The following ZSCAN29 variants were observed in gnomAD, a reference collection of about 807,000 sequenced individuals.
The protein encoded by ZSCAN29 is zinc finger and SCAN domain containing 29.
ZSCAN29 carries 55 observed loss-of-function variants against 71.9 expected under a neutral mutation model. The ratio of observed to expected loss-of-function variants is 0.76; its 90% CI spans 0.62 to 0.96. ZSCAN29 has a LOEUF of 0.96. Ranked by LOEUF, ZSCAN29 falls within the 40% of genes least tolerant of loss-of-function variation. The probability of loss-of-function intolerance (pLI) is 0.00; values close to 1 mark genes in which losing one functional copy is unlikely to be tolerated. For synonymous variants in ZSCAN29, 351 were observed against 371.6 expected, an observed-to-expected ratio of 0.94 and a Z score of 0.64; for missense variants, 1,042 against 1,042.2, an observed-to-expected ratio of 1.00 and a Z score of 0.00.
In ZSCAN29 at chr15:43,360,809, A is replaced by G. The variant is rs904183250; in HGVS notation, c.*264T>C. 9.4e-6 allele frequency: 4 copies of G among 423,334 alleles called. No homozygotes were observed. Among genetic ancestry groups the G allele is most frequent in the Non-Finnish European group, 1.7e-5 (4 of 235,610 alleles). 26.2% of individuals were successfully genotyped at this position (423,334 alleles called of 1,614,324 possible). A position where few individuals can be genotyped will look rare whatever the true frequency, so the allele number is the denominator to read the frequency against. On this transcript the variant is annotated 3_prime_UTR_variant, in exon 6 of 6. Coordinates refer to ENST00000684362, the MANE Select transcript of ZSCAN29 (RefSeq NM_001372080.1). ...TGTCCTCTGTGCTTATATTAAGGGAACACCATAGGCACTGAGAGGGAAAAG... is the reference window on the plus strand; with the variant it reads ...TGTCCTCTGTGCTTATATTAAGGGAGCACCATAGGCACTGAGAGGGAAAAG...
intron 4 of ZSCAN29, 81 bp from the exon 5 acceptor site, chr15:43,364,463 T>C (rs778257933): frequency 5.8e-5 from 75 of 1,286,226 alleles, no homozygotes; most frequent in Non-Finnish European, 7.7e-5. Context: ...ATCTGCATCA[T>C]GAGAATTCAC....
chr15:43,368,999 C>G lies in ZSCAN29; in HGVS notation c.447G>C (p.Glu149Asp), dbSNP rs558053205. The change falls in exon 3 of 6, where the codon GAG becomes GAC. Residue 149 changes from glutamate (E) to aspartate (D), a missense_variant. Transcript: ENST00000684362. ...GTCCCAGGTCTGGGCTTCTTGCCCTCTCTTTCTTGGGTACACCCCTGGGCT... is the reference window on the plus strand; with the variant it reads ...GTCCCAGGTCTGGGCTTCTTGCCCTGTCTTTCTTGGGTACACCCCTGGGCT... ...EPQPRGVPKK[E>D]RARSPDLGPQ... 3.1e-6 allele frequency: 5 copies of G among 1,613,204 alleles called. No individual in the cohort carries two copies. Among genetic ancestry groups the G allele is most frequent in the African/African-American group, 2.7e-5 (2 of 75,026 alleles).
At chr15:43,367,900 G>T (rs1362828253) in intron 3 of ZSCAN29, among the ~76,000 whole-genome samples, 2 of 152,130 alleles carry the variant, frequency 1.3e-5, no homozygotes, top group African/African-American at 4.8e-5. Flanking sequence ...AATTTTAAGT[G>T]AAATGGTAAC....
intron 5 of ZSCAN29, 26 bp downstream of exon 5, chr15:43,363,889 A>G: frequency 1.3e-6 from 2 of 1,541,652 alleles, no homozygotes; most frequent in South Asian, 1.2e-5. Flanking sequence ...TTTGTTATTT[A>G]TACCATAATA....
At position 43,364,282 on chromosome 15, in the gene ZSCAN29, C is replaced by T. The variant is rs1055723180; in HGVS notation, c.1323G>A (p.Leu441=). The T allele has an allele frequency of 1.2e-6, 2 of 1,614,216 alleles. No homozygotes were observed. Among genetic ancestry groups the T allele is most frequent in the Non-Finnish European group, 1.7e-6 (2 of 1,180,050 alleles). The part of the protein sequence containing the change: ...ALRNCHRNSQ[L]YGAVAERLWE... The stretch of plus-strand genomic sequence containing the variant: ...ATAACCTCTCAGCCACTGCTCCATA[C>T]AGCTGGCTGTTGCGGTGACAGTTCC... The change falls in exon 5 of 6, where the codon CTG becomes CTA. Residue 441 remains leucine, a synonymous_variant. Coordinates refer to ENST00000684362, the MANE Select transcript of ZSCAN29 (RefSeq NM_001372080.1).
rs199524651 is a variant in ZSCAN29, at chr15:43,361,239, C to T, written c.2393G>A (p.Ser798Asn). The T allele has an allele frequency of 3.7e-6, 6 of 1,614,068 alleles. No homozygotes were observed. Among genetic ancestry groups the T allele is most frequent in the Non-Finnish European group, 5.1e-6 (6 of 1,180,034 alleles). The change falls in exon 6 of 6, where the codon AGT (serine) becomes AAT (asparagine). Residue 798 changes from serine (S) to asparagine (N), a missense_variant. Coordinates refer to ENST00000684362, the MANE Select transcript of ZSCAN29 (RefSeq NM_001372080.1). ...ACGTAAGTCAGAACTCTTACTGAAA[C>T]TCTTTCCACAGTCAGGACACACATG... ...RPHVCPDCGK[S>N]FSKSSDLRAH...
At chr15:43,362,747 G>A (rs528164462) in intron 5 of ZSCAN29, among the ~76,000 whole-genome samples, 1 of 152,210 alleles carries the variant, frequency 6.6e-6, no homozygotes, top group Admixed American at 6.5e-5. Context: ...AATATGTATT[G>A]TGAGCCTCCA....
intron 2 of ZSCAN29, 129 bp downstream of exon 2, chr15:43,369,467 A>G: frequency 9.6e-7 from 1 of 1,038,636 alleles, no homozygotes; most frequent in Non-Finnish European, 1.4e-6. Flanking sequence ...TGAAAAAGTT[A>G]CCTATACCAG....
At position 43,364,330 on chromosome 15, in the gene ZSCAN29, C is replaced by G. The variant is rs1350619323; in HGVS notation, c.1275G>C (p.Glu425Asp). ...TCCGGAGGGCTTCATAAAACTGGGTCTCACTAAGAATTGCAAGGTAAGTCT... is the reference window on the plus strand; with the variant it reads ...TCCGGAGGGCTTCATAAAACTGGGTGTCACTAAGAATTGCAAGGTAAGTCT... ...ETKTYLAILS[E>D]TQFYEALRNC... The change falls in exon 5 of 6, where the codon GAG (glutamate) becomes GAC (aspartate). Residue 425 changes from glutamate (E) to aspartate (D), a missense_variant. By Grantham distance (45) the Glu-to-Asp change is conservative. Coordinates refer to ENST00000684362, the MANE Select transcript of ZSCAN29 (RefSeq NM_001372080.1). 1.2e-6 allele frequency: 2 copies of G among 1,614,034 alleles called. No individual in the cohort carries two copies. The highest frequency in any genetic ancestry group is 1.1e-5 in the South Asian group (1 of 91,076).
chr15:43,369,986 T>G lies in ZSCAN29; in HGVS notation c.-73A>C, dbSNP rs572309860. 6 of 1,437,650 alleles carry G rather than the reference T, an allele frequency of 4.2e-6. No homozygotes were observed. The East Asian group carries it at 6.8e-5, about 16-fold the overall frequency. The allele number at this position is 1,437,650 out of a possible 1,614,324, so 89.1% of individuals were successfully genotyped here. A position where few individuals can be genotyped will look rare whatever the true frequency, so the allele number is the denominator to read the frequency against. On this transcript the variant is annotated 5_prime_UTR_variant, in exon 2 of 6. Coordinates refer to ENST00000684362, the MANE Select transcript of ZSCAN29 (RefSeq NM_001372080.1). Reference sequence around the variant, plus strand: ...GCTTACATCTATCTTCCCATGTCCTTGGAGAATCCCCTGCAGATGACTGTA... The same window carrying G: ...GCTTACATCTATCTTCCCATGTCCTGGGAGAATCCCCTGCAGATGACTGTA...
chr15:43,369,139 C>T lies in ZSCAN29; in HGVS notation c.319-12G>A, dbSNP rs903418484. On this transcript the variant is annotated splice_polypyrimidine_tract_variant and intron_variant, in intron 2 of 5. Coordinates refer to ENST00000684362, the MANE Select transcript of ZSCAN29 (RefSeq NM_001372080.1). ...ACAGAGACTGTGACCTAGAAACAAC[C>T]CCCGTTAATTGTCACTGCAAGATCA... is the stretch of plus-strand genomic sequence containing the variant. 1.3e-6 allele frequency: 2 copies of T among 1,539,544 alleles called. No homozygotes were observed. The highest frequency in any genetic ancestry group is 4.6e-5 in the East Asian group (2 of 43,710).
In ZSCAN29 at chr15:43,361,488, A is replaced by T; in HGVS notation, c.2144T>A (p.Phe715Tyr). 1 of 1,613,604 alleles carries T rather than the reference A, an allele frequency of 6.2e-7. No homozygotes were observed. Among genetic ancestry groups the T allele is most frequent in the Non-Finnish European group, 8.5e-7 (1 of 1,179,484 alleles). The part of the protein sequence containing the change: ...PYKCLDCGKS[F>Y]RDSSNFITHR... ...GGTGATGAAATTTGAACTGTCACGGAAACTTTTTCCACAGTCAAGACATTT... is the reference window on the plus strand; with the variant it reads ...GGTGATGAAATTTGAACTGTCACGGTAACTTTTTCCACAGTCAAGACATTT... The change falls in exon 6 of 6, where the codon TTC (phenylalanine) becomes TAC (tyrosine). Residue 715 changes from phenylalanine to tyrosine, a missense_variant. By Grantham distance (22) the Phe-to-Tyr change is conservative. Transcript: ENST00000684362.
rs200716301 is a variant in ZSCAN29 at position 43,361,863 on chromosome 15, A to G, written c.1769T>C (p.Leu590Pro). 1 of 1,614,188 alleles carries G rather than the reference A, an allele frequency of 6.2e-7. No individual in the cohort carries two copies. Among genetic ancestry groups the G allele is most frequent in the African/African-American group, 1.3e-5 (1 of 75,046 alleles). Reference protein sequence around the residue: ...SEEVQLHRTLLARSERKIPRY... With the variant: ...SEEVQLHRTLPARSERKIPRY... Reference sequence around the variant, plus strand: ...GGGAATTTTCCTTTCAGATCTTGCAAGTAATGTCCTATGCAGTTGTACTTC... The same window carrying G: ...GGGAATTTTCCTTTCAGATCTTGCAGGTAATGTCCTATGCAGTTGTACTTC... Residue 590 changes from leucine to proline, a missense_variant, in exon 6 of 6, where the codon CTT becomes CCT. Leu to Pro is a moderately conservative substitution (Grantham distance 98). Transcript: ENST00000684362.
rs778381285 is a variant in ZSCAN29 at position 43,361,057 on chromosome 15, A to T, written c.*16T>A. Reference sequence around the variant, plus strand: ...TACATTTATTGAGCCTCTTTCCGTTATATATCCTCAGGGGCTTACTTGGGA... The same window carrying T: ...TACATTTATTGAGCCTCTTTCCGTTTTATATCCTCAGGGGCTTACTTGGGA... On this transcript the variant is annotated 3_prime_UTR_variant, in exon 6 of 6. Coordinates refer to ENST00000684362, the MANE Select transcript of ZSCAN29 (RefSeq NM_001372080.1). 3.2e-6 allele frequency: 5 copies of T among 1,562,764 alleles called. No homozygotes were observed. The African/African-American group carries it at 6.9e-5, about 21-fold the overall frequency.
rs570281726 is a variant in ZSCAN29 at position 43,369,917 on chromosome 15, T to C, written c.-4A>G. ...TTAGAGCTGATTTGGCCATCATTAA[T>C]AGCAGAATGCAGCTTCCCTTCGCTT... On this transcript the variant is annotated 5_prime_UTR_variant, in exon 2 of 6. Transcript: ENST00000684362. 3.1e-6 allele frequency: 5 copies of C among 1,590,286 alleles called. No homozygotes were observed. In the Admixed American group the frequency reaches 5.1e-5, roughly 16 times the overall value.
At chr15:43,369,483 A>T in intron 2 of ZSCAN29, 113 bp downstream of exon 2, 1 of 1,225,818 alleles carries the variant, frequency 8.2e-7, no homozygotes, top group Non-Finnish European at 1.1e-6. Flanking sequence ...ACCAGACCAG[A>T]AGTATAAGCC....
rs2043961303 is a variant in ZSCAN29 at position 43,359,547 on chromosome 15, CA to C, written c.*1525del. ...CATTAGGGTAAAGGGCCTGTTCGCACACAGTAGTCCATTTTCCCAATACACG... is the reference window on the plus strand; with the variant it reads ...CATTAGGGTAAAGGGCCTGTTCGCACCAGTAGTCCATTTTCCCAATACACG... On this transcript the variant is annotated 3_prime_UTR_variant, in exon 6 of 6. Transcript: ENST00000684362. The C allele has an allele frequency of 6.6e-6, 1 of 152,268 alleles. No homozygotes were observed. Among genetic ancestry groups the C allele is most frequent in the Non-Finnish European group, 1.5e-5 (1 of 68,058 alleles). The allele number at this position is 152,268 out of a possible 1,614,324, so 9.4% of individuals were successfully genotyped here.
rs1193195066 is a variant in ZSCAN29 at position 43,361,531 on chromosome 15, T to C, written c.2101A>G (p.Thr701Ala). 1.9e-6 allele frequency: 3 copies of C among 1,614,100 alleles called. No individual in the cohort carries two copies. Among genetic ancestry groups the C allele is most frequent in the Non-Finnish European group, 2.5e-6 (3 of 1,180,050 alleles). ...AGACATTTATAAGGTTTCTCTCCAGTGTGGATTCTCCGGTGTCTAATGAGT... is the reference window on the plus strand; with the variant it reads ...AGACATTTATAAGGTTTCTCTCCAGCGTGGATTCTCCGGTGTCTAATGAGT... ...ARLIRHRRIH[T>A]GEKPYKCLDC... Residue 701 changes from threonine to alanine, a missense_variant, in exon 6 of 6, where the codon ACT (threonine) becomes GCT (alanine). Physicochemically the swap from Thr to Ala is moderately conservative, Grantham distance 58 (BLOSUM62 0). Transcript: ENST00000684362.
intron 2 of ZSCAN29, 150 bp downstream of exon 2, chr15:43,369,446 C>T (rs1174322064): frequency 1.2e-6 from 1 of 806,474 alleles, no homozygotes; most frequent in East Asian, 2.6e-5. Context: ...CATCTCCAGA[C>T]AAGCACTATC....
Sources: gnomAD v4.1 joint callset for allele counts (sites outside exome capture counted in the v4.1 genomes callset) on GRCh38, gnomAD v4.1.1 for gene constraint, MANE v1.5 for transcripts, NCBI Gene and HGNC (gene_info 2026-07-23, HGNC 2026-07-21) for gene names.